Variants in GALNTL6 observed in about 807,000 individuals in gnomAD.
The protein encoded by GALNTL6 is polypeptide N-acetylgalactosaminyltransferase like 6, also known as polypeptide N-acetylgalactosaminyltransferase-like 6.
A neutral mutation model predicts 73.7 loss-of-function variants in GALNTL6; 46 were observed. The observed-to-expected ratio is 0.62, with a 90% CI of 0.49 to 0.80. The LOEUF (loss-of-function observed/expected upper bound fraction) is 0.80. Ranked by LOEUF, GALNTL6 falls within the 30% of genes least tolerant of loss-of-function variation. The pLI, the probability that GALNTL6 is intolerant of heterozygous loss-of-function variation, is 0.00. For synonymous variants in GALNTL6, 259 were observed against 263.7 expected (o/e 0.98, Z 0.17); for missense variants, 604 against 755.0 (o/e 0.80, Z 2.34).
rs564875850 is a variant in GALNTL6, at chr4:172,433,985, T to C, written c.553+85296T>C. ...ATTTAATACTAAAACAGATAAGCTC[T>C]GTAATCTTCATTTTAGTTTTTAATT... On this transcript the variant is annotated intron_variant, in intron 5 of 12. Transcript: ENST00000506823. Among the ~76,000 whole-genome samples, 807 of 152,236 alleles carry C rather than the reference T, an allele frequency of 5.3e-3. 9 individuals carry two copies. Among genetic ancestry groups the C allele is most frequent in the African/African-American group, 0.018 (737 of 41,548 alleles).
chr4:172,756,469 C>T (rs1418935116), intron 5 of GALNTL6, among the ~76,000 whole-genome samples: 1 of 151,910 alleles, frequency 6.6e-6, no homozygotes, highest in Non-Finnish European at 1.5e-5. Context: ...TATGGTGAAA[C>T]CTCATCTCTA....
chr4:172,174,835 T>C (rs1693995028), intron 2 of GALNTL6, among the ~76,000 whole-genome samples: 1 of 152,224 alleles, frequency 6.6e-6, no homozygotes, highest in African/African-American at 2.4e-5. Flanking sequence ...ATTTATGCAG[T>C]ATTATATATT....
At chr4:172,749,719 A>G (rs931022523) in intron 5 of GALNTL6, among the ~76,000 whole-genome samples, 40 of 151,792 alleles carry the variant, frequency 2.6e-4, no homozygotes, top group Non-Finnish European at 5.7e-4. Flanking sequence ...CCAATTTCAT[A>G]CTTGATAGCT....
chr4:171,906,949 T>A (rs1021802545), intron 2 of GALNTL6, among the ~76,000 whole-genome samples: 3 of 152,120 alleles, frequency 2.0e-5, no homozygotes, highest in African/African-American at 7.2e-5. Flanking sequence ...CAACAACCCT[T>A]CATGCTAAAA....
intron 5 of GALNTL6, among the ~76,000 whole-genome samples, chr4:172,732,578 G>A (rs1044521091): frequency 3.3e-5 from 5 of 151,914 alleles, no homozygotes; most frequent in African/African-American, 1.2e-4. Context: ...TTGTTTTTTG[G>A]TGGTTTTGAG....
chr4:172,447,253 A>C (rs1052248753), intron 5 of GALNTL6, among the ~76,000 whole-genome samples: 6 of 152,194 alleles, frequency 3.9e-5, no homozygotes, highest in Non-Finnish European at 7.4e-5. Flanking sequence ...CCCTGCCTGC[A>C]GTGCCTTCAC....
At chr4:172,654,985 C>T (rs1382848188) in intron 5 of GALNTL6, among the ~76,000 whole-genome samples, 1 of 152,004 alleles carries the variant, frequency 6.6e-6, no homozygotes, top group Non-Finnish European at 1.5e-5. Flanking sequence ...GCAATTGGCC[C>T]AAGTAAAACA....
intron 10 of GALNTL6, among the ~76,000 whole-genome samples, chr4:172,984,374 A>C (rs973633422): frequency 2.0e-5 from 3 of 152,214 alleles, no homozygotes; most frequent in Admixed American, 6.5e-5. Flanking sequence ...AGATCTCAGG[A>C]GAACTCACTC....
chr4:172,922,332 T>C (rs148644272), intron 8 of GALNTL6, among the ~76,000 whole-genome samples: 9 of 152,284 alleles, frequency 5.9e-5, no homozygotes, highest in Non-Finnish European at 1.3e-4. Flanking sequence ...CATCACATCA[T>C]ACTACCAAAA....
chr4:171,904,956 T>G (rs1024252331), intron 2 of GALNTL6, among the ~76,000 whole-genome samples: 13 of 152,112 alleles, frequency 8.5e-5, no homozygotes, highest in Non-Finnish European at 1.5e-4. Context: ...AGAGATTTTG[T>G]CACCACCAGG....
At chr4:172,636,304 A>G (rs1739677046) in intron 5 of GALNTL6, among the ~76,000 whole-genome samples, 1 of 152,218 alleles carries the variant, frequency 6.6e-6, no homozygotes, top group African/African-American at 2.4e-5. Context: ...AAATAACTGA[A>G]AATAAACATT....
intron 2 of GALNTL6, among the ~76,000 whole-genome samples, chr4:172,008,128 A>T (rs1356774884): frequency 6.6e-6 from 1 of 152,186 alleles, no homozygotes; most frequent in East Asian, 1.9e-4. Flanking sequence ...TTTGCATTAT[A>T]CTCTAGATAA....
chr4:171,943,224 G>A (rs1218860625), intron 2 of GALNTL6, among the ~76,000 whole-genome samples: 1 of 152,122 alleles, frequency 6.6e-6, no homozygotes, highest in Non-Finnish European at 1.5e-5. Flanking sequence ...ATATTCACAA[G>A]TACATCAGTA....
At chr4:171,853,352 CTCCCCTTCTT>C (rs961475131) in intron 2 of GALNTL6, among the ~76,000 whole-genome samples, 1 of 151,690 alleles carries the variant, frequency 6.6e-6, no homozygotes, top group Non-Finnish European at 1.5e-5. Flanking sequence ...TCACACCTTC[CTCCCCTTCTT>C]TCCCCTTCTT....
intron 3 of GALNTL6, among the ~76,000 whole-genome samples, chr4:172,245,832 A>G (rs1442854907): frequency 6.6e-6 from 1 of 152,138 alleles, no homozygotes; most frequent in East Asian, 1.9e-4. Context: ...CCTGATGGCA[A>G]CACTTTCCAG....
intron 3 of GALNTL6, among the ~76,000 whole-genome samples, chr4:172,282,795 T>A (rs1268529421): frequency 6.6e-6 from 1 of 152,000 alleles, no homozygotes; most frequent in Non-Finnish European, 1.5e-5. Flanking sequence ...GGAGGCGTAA[T>A]CAAATGAATA....
intron 2 of GALNTL6, among the ~76,000 whole-genome samples, chr4:172,177,489 T>C (rs950157558): frequency 6.6e-6 from 1 of 152,062 alleles, no homozygotes; most frequent in Non-Finnish European, 1.5e-5. Context: ...CTCACAGCTG[T>C]TTCTGTCTCT....
At chr4:172,430,077 G>GTATA (rs780668650) in intron 5 of GALNTL6, among the ~76,000 whole-genome samples, 1 of 150,204 alleles carries the variant, frequency 6.7e-6, no homozygotes, top group East Asian at 2.0e-4. Flanking sequence ...ATATGTGTGT[G>GTATA]TATATATATA....
At chr4:172,191,111 G>A (rs1735567786) in intron 2 of GALNTL6, among the ~76,000 whole-genome samples, 2 of 152,186 alleles carry the variant, frequency 1.3e-5, no homozygotes, top group Non-Finnish European at 2.9e-5. Flanking sequence ...AATGCAGTAT[G>A]TTCAAAACTG....
Sources: gnomAD v4.1 joint callset for allele counts (sites outside exome capture counted in the v4.1 genomes callset) on GRCh38, gnomAD v4.1.1 for gene constraint, MANE v1.5 for transcripts, NCBI Gene and HGNC (gene_info 2026-07-23, HGNC 2026-07-21) for gene names.